Variants in EHBP1 observed in about 807,000 individuals in gnomAD.
EHBP1 encodes EH domain-binding protein 1.
Under a neutral mutation model 144.0 loss-of-function variants are expected in EHBP1, and 55 were observed. The observed-to-expected ratio is 0.38, with a 90% confidence interval of 0.31 to 0.48. EHBP1 has a LOEUF of 0.48. EHBP1 is among the 20% of genes least tolerant of loss of function. EHBP1 has a pLI of 0.98. For missense variants in EHBP1, 1,200 were observed against 1,364.2 expected (o/e 0.88, Z 1.90); for synonymous variants, 469 against 472.7 (o/e 0.99, Z 0.10).
chr2:62,838,243 G>A (rs928402310), intron 7 of EHBP1, among the ~76,000 whole-genome samples: 3 of 152,100 alleles, frequency 2.0e-5, no homozygotes, highest in Non-Finnish European at 2.9e-5. Flanking sequence ...AATGACTACT[G>A]GGTACATAAC....
At chr2:62,727,224 T>C (rs933525780) in intron 2 of EHBP1, among the ~76,000 whole-genome samples, 1 of 152,160 alleles carries the variant, frequency 6.6e-6, no homozygotes, top group East Asian at 1.9e-4. Context: ...AACTCTGTCC[T>C]TTCCACCTTG....
At chr2:62,686,312 C>G (rs1001160416) in intron 1 of EHBP1, among the ~76,000 whole-genome samples, 1 of 152,194 alleles carries the variant, frequency 6.6e-6, no homozygotes, top group African/African-American at 2.4e-5. Context: ...CTCTTTAGGA[C>G]AGAAGCAGCT....
intron 6 of EHBP1, 60 bp from the exon 7 acceptor site, chr2:62,830,959 A>G (rs1279844385): frequency 1.3e-6 from 2 of 1,541,956 alleles, no homozygotes; most frequent in African/African-American, 1.4e-5. Context: ...TTCTTAAGAA[A>G]CCATCATTTT....
At chr2:62,904,572 C>T (rs982685072) in intron 10 of EHBP1, among the ~76,000 whole-genome samples, 5 of 152,138 alleles carry the variant, frequency 3.3e-5, no homozygotes, top group Non-Finnish European at 7.3e-5. Context: ...GGCAGAACCC[C>T]TGAGGATTAT....
chr2:62,697,434 A>T (rs1274573270), intron 1 of EHBP1, among the ~76,000 whole-genome samples: 2 of 152,320 alleles, frequency 1.3e-5, no homozygotes, highest in East Asian at 3.9e-4. Flanking sequence ...TGATAATTGG[A>T]TTTTATTGAG....
chr2:62,716,878 TCTGCCAC>T (rs2035737097), intron 2 of EHBP1, among the ~76,000 whole-genome samples: 1 of 152,212 alleles, frequency 6.6e-6, no homozygotes, highest in African/African-American at 2.4e-5. Context: ...TGCTAAAGTG[TCTGCCAC>T]CTGCTACAAT....
At chr2:63,041,042 A>G (rs950944786) in intron 21 of EHBP1, among the ~76,000 whole-genome samples, 24 of 152,220 alleles carry the variant, frequency 1.6e-4, no homozygotes, top group African/African-American at 5.8e-4. Flanking sequence ...AGTAATAAAT[A>G]AACTAAAATC....
intron 19 of EHBP1, among the ~76,000 whole-genome samples, chr2:63,030,881 C>T (rs1402348424): frequency 1.3e-5 from 2 of 150,286 alleles, no homozygotes; most frequent in South Asian, 2.1e-4. Context: ...CTGCAACCTC[C>T]GCCTCTTAGG....
At chr2:62,918,771 CAA>C (rs2054837924) in intron 10 of EHBP1, among the ~76,000 whole-genome samples, 1 of 152,174 alleles carries the variant, frequency 6.6e-6, no homozygotes, top group Non-Finnish European at 1.5e-5. Flanking sequence ...TAGTGGTTCT[CAA>C]ACTTATTGGT....
intron 6 of EHBP1, among the ~76,000 whole-genome samples, chr2:62,829,053 A>C (rs1158262313): frequency 1.3e-5 from 2 of 151,942 alleles, no homozygotes; most frequent in Non-Finnish European, 2.9e-5. Flanking sequence ...AGGAAGATGC[A>C]GTGAGCCATG....
chr2:62,888,782 T>A (rs1207050248), intron 10 of EHBP1, among the ~76,000 whole-genome samples: 2 of 152,074 alleles, frequency 1.3e-5, no homozygotes. Flanking sequence ...CTTTACTACA[T>A]GAAAAAGGAA....
At chr2:62,859,027 G>A (rs1187051272) in intron 7 of EHBP1, 142 bp from the exon 8 acceptor site, 1 of 665,882 alleles carries the variant, frequency 1.5e-6, no homozygotes, top group Non-Finnish European at 2.3e-6. Context: ...ATACTTGAAT[G>A]GCATTCTGTC....
chr2:62,892,645 T>A (rs2052558528), intron 10 of EHBP1, among the ~76,000 whole-genome samples: 1 of 152,140 alleles, frequency 6.6e-6, no homozygotes, highest in African/African-American at 2.4e-5. Flanking sequence ...CTTTACCTTA[T>A]ACAGCAGATG....
Position 62,728,505 on chromosome 2 carries a change from C to T in EHBP1, c.105-18890C>T, listed in dbSNP as rs2037064927. Among the ~76,000 whole-genome samples, 5 of 152,224 alleles carry T rather than the reference C, an allele frequency of 3.3e-5. No homozygotes were observed. The South Asian group carries it at 8.3e-4, about 25-fold the overall frequency. On this transcript the variant is annotated intron_variant, in intron 2 of 22. Transcript: ENST00000431489. ...CTCTAATTGCTGAACCATGTTGAGC[C>T]ACAATATTTTCATATGCTTATAGAC...
At position 62,952,580 on chromosome 2, in the gene EHBP1, C is replaced by T. The variant is rs191808573; in HGVS notation, c.2317-2937C>T. Among the ~76,000 whole-genome samples the T allele has an allele frequency of 5.9e-3, 897 of 152,202 alleles. 6 individuals are homozygous for T. The highest frequency in any genetic ancestry group is 9.1e-3 in the Non-Finnish European group (622 of 68,002). On this transcript the variant is annotated intron_variant, in intron 13 of 22. Transcript: ENST00000431489. ...TTTGGGTGCCTAATACATGTGATGACAGTTATATATCTTACACCTATCTCT... is the reference window on the plus strand; with the variant it reads ...TTTGGGTGCCTAATACATGTGATGATAGTTATATATCTTACACCTATCTCT...
intron 10 of EHBP1, among the ~76,000 whole-genome samples, chr2:62,922,419 C>T (rs2055161120): frequency 6.6e-6 from 1 of 152,132 alleles, no homozygotes; most frequent in African/African-American, 2.4e-5. Context: ...TGGGTGAAAA[C>T]ACGTGATCTA....
At chr2:62,779,652 C>T (rs115618734) in intron 5 of EHBP1, among the ~76,000 whole-genome samples, 2,839 of 152,290 alleles carry the variant, frequency 0.019, 82 homozygotes, top group African/African-American at 0.063. Flanking sequence ...TCTTTTCTTA[C>T]AGTCCCAGAG....
At chr2:63,037,707 T>C in intron 20 of EHBP1, 73 bp downstream of exon 20, 1 of 820,916 alleles carries the variant, frequency 1.2e-6, no homozygotes, top group Non-Finnish European at 1.9e-6. Flanking sequence ...TTGCCTTCTT[T>C]GGGATTTAAT....
intron 5 of EHBP1, among the ~76,000 whole-genome samples, chr2:62,819,998 G>T (rs2045780072): frequency 6.6e-6 from 1 of 150,504 alleles, no homozygotes; most frequent in Admixed American, 6.6e-5. Context: ...ATCACCTGAG[G>T]TCAGGAGTTT....
Sources: allele counts gnomAD v4.1 joint callset (sites outside exome capture counted in the v4.1 genomes callset), GRCh38; gene constraint gnomAD v4.1.1; transcripts MANE v1.5; gene names NCBI Gene and HGNC (gene_info 2026-07-23, HGNC 2026-07-21).